Variants in FOXP1 observed in about 807,000 individuals in gnomAD.
The protein encoded by FOXP1 is forkhead box protein P1.
Under a neutral mutation model 98.2 loss-of-function variants are expected in FOXP1, and 15 were observed. The ratio of observed to expected loss-of-function variants is 0.15; its 90% confidence interval spans 0.10 to 0.24. FOXP1 has a LOEUF of 0.24. Ranked by LOEUF, FOXP1 falls within the 10% of genes least tolerant of loss-of-function variation. The pLI, the probability that FOXP1 is intolerant of heterozygous loss-of-function variation, is 1.00. For synonymous variants in FOXP1, 371 were observed against 314.5 expected, an observed-to-expected ratio of 1.18 and a Z score of -1.90; for missense variants, 633 against 848.5, an observed-to-expected ratio of 0.75 and a Z score of 3.15.
chr3:71,208,354 CA>C (rs1006666593), intron 5 of FOXP1, among the ~76,000 whole-genome samples: 10 of 151,950 alleles, frequency 6.6e-5, no homozygotes, highest in African/African-American at 2.4e-4. Flanking sequence ...CAGAAAAAAG[CA>C]AACAACTGCA....
At chr3:71,086,008 G>A (rs1012996848) in intron 7 of FOXP1, among the ~76,000 whole-genome samples, 1 of 152,008 alleles carries the variant, frequency 6.6e-6, no homozygotes, top group Non-Finnish European at 1.5e-5. Context: ...GATTACAGGC[G>A]TGAGCCACCG....
chr3:71,077,840 T>A (rs1447211639), intron 7 of FOXP1, among the ~76,000 whole-genome samples: 2 of 151,874 alleles, frequency 1.3e-5, no homozygotes, highest in Non-Finnish European at 2.9e-5. Flanking sequence ...GCATATATTT[T>A]TTTTTTTTTG....
At chr3:71,192,839 G>A (rs926856303) in intron 6 of FOXP1, among the ~76,000 whole-genome samples, 4 of 152,100 alleles carry the variant, frequency 2.6e-5, no homozygotes, top group South Asian at 2.1e-4. Context: ...TTGTAGAGAC[G>A]AGGTTTTGCC....
intron 3 of FOXP1, among the ~76,000 whole-genome samples, chr3:71,428,486 C>G (rs965636315): frequency 2.0e-5 from 3 of 152,240 alleles, no homozygotes; most frequent in African/African-American, 7.2e-5. Flanking sequence ...ACAGCTTGGT[C>G]CACCCCTTCG....
intron 3 of FOXP1, among the ~76,000 whole-genome samples, chr3:71,388,148 C>T (rs568499039): frequency 6.6e-6 from 1 of 152,250 alleles, no homozygotes; most frequent in East Asian, 1.9e-4. Context: ...ATCTAATTCT[C>T]TGGCTTCCCA....
rs564955487 is a variant in FOXP1, at chr3:71,323,762, T to G, written c.-72-23882A>C. On this transcript the variant is annotated intron_variant, in intron 4 of 20. Transcript: ENST00000649528. ...ACAAAGTAAATATTTCCGTAAAACT[T>G]CAACCTATGGGAACAATAGCAAAGA... 5.4e-4 allele frequency among the ~76,000 whole-genome samples: 82 copies of G among 152,340 alleles called. 2 individuals are homozygous for G. In the South Asian group the frequency reaches 0.016, roughly 30 times the overall value.
In FOXP1 at chr3:71,389,861, TA is replaced by T. The variant is rs536621333; in HGVS notation, c.-167-30618del. Among the ~76,000 whole-genome samples, 1,043 of 137,356 alleles carry T rather than the reference TA, an allele frequency of 7.6e-3. 1 individual carries two copies. Among genetic ancestry groups the T allele is most frequent in the Non-Finnish European group, 9.2e-3 (576 of 62,950 alleles). 90.1% of individuals were successfully genotyped at this position (137,356 alleles called of 152,430 possible). A position where few individuals can be genotyped will look rare whatever the true frequency, so the allele number is the denominator to read the frequency against. On this transcript the variant is annotated intron_variant, in intron 3 of 20. Transcript: ENST00000649528. Reference sequence around the variant, plus strand: ...CTGTTAAATGTTGGCATTCTGTCTTTAAAAAAAAAAAAAAAAGTTCAAAAAT... The same window carrying T: ...CTGTTAAATGTTGGCATTCTGTCTTTAAAAAAAAAAAAAAAGTTCAAAAAT...
Position 71,138,622 on chromosome 3 carries a change from T to C in FOXP1, c.181-25985A>G, listed in dbSNP as rs148062019. Among the ~76,000 whole-genome samples, 5 of 152,244 alleles carry C rather than the reference T, an allele frequency of 3.3e-5. No individual in the cohort carries two copies. The East Asian group carries it at 9.7e-4, about 29-fold the overall frequency. ...GAAATAGGATACTATCTCTCAAAAG[T>C]GATACAAATATACCACACTTCTAAA... On this transcript the variant is annotated intron_variant, in intron 6 of 20. Transcript: ENST00000649528.
At chr3:71,574,373 A>G (rs2047567073) in intron 2 of FOXP1, 1 of 152,216 alleles carries the variant, frequency 6.6e-6, no homozygotes, top group African/African-American at 2.4e-5. Flanking sequence ...TGTCTCAACA[A>G]CTTTTATTTA....
At chr3:71,535,020 A>C (rs1226971116) in intron 2 of FOXP1, among the ~76,000 whole-genome samples, 1 of 152,202 alleles carries the variant, frequency 6.6e-6, no homozygotes, top group African/African-American at 2.4e-5. Context: ...ACTCAAGCTT[A>C]ACTAGCACAA....
chr3:71,211,450 C>T (rs1226528807), intron 5 of FOXP1, among the ~76,000 whole-genome samples: 1 of 152,068 alleles, frequency 6.6e-6, no homozygotes. Flanking sequence ...AAGTGATCTT[C>T]CCCCCTTGGC....
intron 2 of FOXP1, among the ~76,000 whole-genome samples, chr3:71,517,677 T>G (rs2042681781): frequency 6.6e-6 from 1 of 152,224 alleles, no homozygotes; most frequent in Non-Finnish European, 1.5e-5. Context: ...CACTCTCTTT[T>G]ATTGAATACT....
intron 12 of FOXP1, among the ~76,000 whole-genome samples, chr3:71,014,779 G>A (rs895427245): frequency 4.6e-5 from 7 of 152,092 alleles, no homozygotes; most frequent in African/African-American, 1.4e-4. Context: ...ACGAAAATGT[G>A]GCACATATAC....
intron 2 of FOXP1, among the ~76,000 whole-genome samples, chr3:71,521,665 T>A (rs1410649675): frequency 6.6e-6 from 1 of 152,180 alleles, no homozygotes; most frequent in Non-Finnish European, 1.5e-5. Flanking sequence ...CTAGACAGAC[T>A]TTATTTTTAT....
intron 3 of FOXP1, among the ~76,000 whole-genome samples, chr3:71,488,940 C>A (rs2090864411): frequency 6.6e-6 from 1 of 152,186 alleles, no homozygotes; most frequent in South Asian, 2.1e-4. Flanking sequence ...GTTAAAATTA[C>A]TTTTCAAAGT....
chr3:71,460,804 G>A (rs1042452237), intron 3 of FOXP1, among the ~76,000 whole-genome samples: 1 of 152,208 alleles, frequency 6.6e-6, no homozygotes, highest in African/African-American at 2.4e-5. Context: ...TGGTAGCTGA[G>A]AGAATTCATC....
intron 2 of FOXP1, among the ~76,000 whole-genome samples, chr3:71,546,112 C>T (rs558812003): frequency 6.6e-6 from 1 of 152,232 alleles, no homozygotes; most frequent in South Asian, 2.1e-4. Context: ...TTGCATTAAT[C>T]CATACAACAC....
At chr3:71,569,360 C>T (rs1173633854) in intron 2 of FOXP1, among the ~76,000 whole-genome samples, 1 of 152,180 alleles carries the variant, frequency 6.6e-6, no homozygotes, top group Non-Finnish European at 1.5e-5. Context: ...TGCAACTCCA[C>T]AGGCCCATTA....
At chr3:71,245,225 CTGACGGGGAGGTAACCATATTAGG>C (rs942388534) in intron 5 of FOXP1, 1 of 152,194 alleles carries the variant, frequency 6.6e-6, no homozygotes, top group African/African-American at 2.4e-5. Context: ...TTGGCCTCCT[CTGACGGGGAGGTAACCATATTAGG>C]ATGTGTATGG....
Sources: gnomAD v4.1 joint callset for allele counts (sites outside exome capture counted in the v4.1 genomes callset) on GRCh38, gnomAD v4.1.1 for gene constraint, MANE v1.5 for transcripts, NCBI Gene and HGNC (gene_info 2026-07-23, HGNC 2026-07-21) for gene names.